Variants in PRDM8 observed in about 807,000 individuals in gnomAD.
PRDM8 encodes PR/SET domain 8, also known as PR domain zinc finger protein 8.
Under a neutral mutation model 46.5 loss-of-function variants are expected in PRDM8, and 13 were observed. That is an observed-to-expected ratio of 0.28 (90% CI 0.18 to 0.44). PRDM8 has a LOEUF of 0.44. PRDM8 is among the 20% of genes least tolerant of loss of function. The pLI is 1.00. For synonymous variants in PRDM8, 473 were observed against 438.4 expected, an observed-to-expected ratio of 1.08 and a Z score of -0.98; for missense variants, 998 against 955.0, an observed-to-expected ratio of 1.04 and a Z score of -0.59.
At position 80,202,065 on chromosome 4, in the gene PRDM8, C is replaced by G. The variant is rs1296057822; in HGVS notation, c.603C>G (p.Asp201Glu). 86 of 1,613,396 alleles carry G rather than the reference C, an allele frequency of 5.3e-5. No individual in the cohort carries two copies. The highest frequency in any genetic ancestry group is 7.0e-5 in the Non-Finnish European group (83 of 1,179,892). ...DEQGGGVGTK[D>E]HGGGGGGGKD... ...AAGGCGGCGGCGTGGGCACCAAGGA[C>G]CACGGGGGCGGCGGCGGCGGTGGCA... Residue 201 changes from aspartate to glutamate, a missense_variant, in exon 4 of 4, where the codon GAC (aspartate) becomes GAG (glutamate). Asp to Glu is a conservative substitution (Grantham distance 45). Transcript: ENST00000415738.
intron 2 of PRDM8, among the ~76,000 whole-genome samples, 179 bp from the exon 3 acceptor site, chr4:80,201,111 T>C (rs75808693): frequency 6.8e-4 from 103 of 152,360 alleles, no homozygotes; most frequent in African/African-American, 2.4e-3. Context: ...TCTTGCCTAA[T>C]GGTTACAAAC....
intron 1 of PRDM8, among the ~76,000 whole-genome samples, chr4:80,190,901 C>T (rs1737493298): frequency 6.6e-6 from 1 of 152,178 alleles, no homozygotes; most frequent in African/African-American, 2.4e-5. Context: ...CCCCACTTAT[C>T]TGGAACATAG....
chr4:80,197,579 C>A lies in PRDM8; in HGVS notation c.-187C>A, dbSNP rs547883051. 5 of 977,424 alleles carry A rather than the reference C, an allele frequency of 5.1e-6. No homozygotes were observed. In the African/African-American group the frequency reaches 8.8e-5, roughly 17 times the overall value. The allele number at this position is 977,424 out of a possible 1,614,324, so 60.5% of individuals were successfully genotyped here. On this transcript the variant is annotated 5_prime_UTR_variant, in exon 1 of 4. Transcript: ENST00000415738. ...TCCCTCCCTCCCTCCCTCCACCCCC[C>A]CAATCTTTTTCTCCCCATCTCTCCA...
chr4:80,202,509 G>A lies in PRDM8; in HGVS notation c.1047G>A (p.Val349=). The A allele has an allele frequency of 6.5e-7, 1 of 1,539,558 alleles. No homozygotes were observed. Among genetic ancestry groups the A allele is most frequent in the Non-Finnish European group, 8.7e-7 (1 of 1,146,694 alleles). The change falls in exon 4 of 4, where the codon GTG becomes GTA. Residue 349 remains valine (V), a synonymous_variant. Coordinates refer to ENST00000415738, the MANE Select transcript of PRDM8 (RefSeq NM_001099403.2). The part of the protein sequence containing the change: ...RPLPASKEDL[V]CTPQQYRASG... ...TCCCGGCCTCCAAGGAGGATCTGGT[G>A]TGCACACCGCAGCAGTACCGAGCCT...
At chr4:80,199,692 T>C (rs918303465) in intron 1 of PRDM8, among the ~76,000 whole-genome samples, 1 of 136,660 alleles carries the variant, frequency 7.3e-6, no homozygotes, top group African/African-American at 3.1e-5. Flanking sequence ...AAATTATATA[T>C]ATGTATATAT....
upstream of PRDM8, chr4:80,194,191 A>G (rs1427393711): frequency 3.1e-6 from 3 of 981,750 alleles, no homozygotes; most frequent in Admixed American, 6.2e-5. Flanking sequence ...AGTTTCCTAC[A>G]TGTGTATTTT....
At chr4:80,191,055 T>C (rs753923987) in intron 1 of PRDM8, among the ~76,000 whole-genome samples, 1 of 152,208 alleles carries the variant, frequency 6.6e-6, no homozygotes, top group South Asian at 2.1e-4. Flanking sequence ...TTGGGACCAA[T>C]TGCTGTCCTG....
chr4:80,191,718 T>C (rs1040692268), intron 2 of PRDM8: 1 of 152,238 alleles, frequency 6.6e-6, no homozygotes, highest in African/African-American at 2.4e-5. Flanking sequence ...GAAAATCTTC[T>C]GAAAACTAAC....
chr4:80,197,702 G>A lies in PRDM8; in HGVS notation c.-64G>A. 2 of 982,884 alleles carry A rather than the reference G, an allele frequency of 2.0e-6. No individual in the cohort carries two copies. The highest frequency in any genetic ancestry group is 1.2e-6 in the Non-Finnish European group (1 of 827,322). The allele number at this position is 982,884 out of a possible 1,614,324, so 60.9% of individuals were successfully genotyped here. A position where few individuals can be genotyped will look rare whatever the true frequency, so the allele number is the denominator to read the frequency against. On this transcript the variant is annotated 5_prime_UTR_variant, in exon 1 of 4. Coordinates refer to ENST00000415738, the MANE Select transcript of PRDM8 (RefSeq NM_001099403.2). ...ATACAATAGGCAAAAGGAAACACTCGATTGCATCTTCCCGGTTCCAGGTGG... is the reference window on the plus strand; with the variant it reads ...ATACAATAGGCAAAAGGAAACACTCAATTGCATCTTCCCGGTTCCAGGTGG...
rs1033889977 is a variant in PRDM8, at chr4:80,203,100, G to A, written c.1638G>A (p.Ala546=). ...RLYPAAADPL[A]VKLQGAADLN... is the part of the protein sequence containing the mutation. Reference sequence around the variant, plus strand: ...ATCCCGCCGCCGCGGACCCTCTAGCGGTGAAGCTCCAGGGGGCCGCGGACC... The same window carrying A: ...ATCCCGCCGCCGCGGACCCTCTAGCAGTGAAGCTCCAGGGGGCCGCGGACC... The change falls in exon 4 of 4, where the codon GCG becomes GCA. Residue 546 remains alanine, a synonymous_variant. Coordinates refer to ENST00000415738, the MANE Select transcript of PRDM8 (RefSeq NM_001099403.2). 2.5e-6 allele frequency: 4 copies of A among 1,572,504 alleles called. No homozygotes were observed. The highest frequency in any genetic ancestry group is 3.4e-6 in the Non-Finnish European group (4 of 1,168,082).
intron 1 of PRDM8, among the ~76,000 whole-genome samples, chr4:80,186,883 T>A (rs1737137813): frequency 6.6e-6 from 1 of 152,136 alleles, no homozygotes. Context: ...AGCCTAACAG[T>A]GGTGCCCTTT....
intron 2 of PRDM8, chr4:80,191,621 G>A (rs1737551899): frequency 6.6e-6 from 1 of 152,204 alleles, no homozygotes; most frequent in Admixed American, 6.5e-5. Context: ...TTTGTGACAT[G>A]TTGATCTTTG....
rs1199927860 is a variant in PRDM8, at chr4:80,202,896, G to A, written c.1434G>A (p.Thr478=). The change falls in exon 4 of 4, where the codon ACG becomes ACA. Residue 478 remains threonine, a synonymous_variant. Coordinates refer to ENST00000415738, the MANE Select transcript of PRDM8 (RefSeq NM_001099403.2). The part of the protein sequence containing the change: ...SAGSTSGGGG[T]GAGAAGGAGG... ...GCAGCACCAGCGGTGGGGGCGGAAC[G>A]GGCGCCGGGGCCGCAGGCGGCGCGG... The A allele has an allele frequency of 1.5e-6, 2 of 1,322,362 alleles. No individual in the cohort carries two copies. Among genetic ancestry groups the A allele is most frequent in the East Asian group, 3.2e-5 (1 of 31,652 alleles). The allele number at this position is 1,322,362 out of a possible 1,614,324, so 81.9% of individuals were successfully genotyped here. A position where few individuals can be genotyped will look rare whatever the true frequency, so the allele number is the denominator to read the frequency against.
At chr4:80,191,653 T>C (rs1737557204) in intron 2 of PRDM8, 1 of 152,232 alleles carries the variant, frequency 6.6e-6, no homozygotes, top group South Asian at 2.1e-4. Flanking sequence ...GGAGACCACC[T>C]TTCCAAGTAT....
upstream of PRDM8, chr4:80,194,218 A>T: frequency 1.0e-6 from 1 of 982,470 alleles, no homozygotes; most frequent in Non-Finnish European, 1.2e-6. Context: ...GACTCCAAAG[A>T]GCCTTGCTAA....
upstream of PRDM8, among the ~76,000 whole-genome samples, chr4:80,193,790 T>C (rs1002557989): frequency 6.8e-6 from 1 of 146,380 alleles, no homozygotes; most frequent in Non-Finnish European, 1.5e-5. Flanking sequence ...AGTGTGTGGG[T>C]TTTTTCCCCC....
chr4:80,195,678 C>T (rs1737888826), upstream of PRDM8, among the ~76,000 whole-genome samples: 1 of 152,012 alleles, frequency 6.6e-6, no homozygotes, highest in South Asian at 2.1e-4. Context: ...TCATTAGGAG[C>T]CAACCTTAGC....
intron 3 of PRDM8, 71 bp from the exon 4 acceptor site, chr4:80,201,842 AG>A: frequency 1.9e-6 from 3 of 1,596,116 alleles, no homozygotes; most frequent in African/African-American, 2.7e-5. Context: ...GGCGATGCTG[AG>A]TAATCATGTG....
chr4:80,197,665 G>T lies in PRDM8; in HGVS notation c.-101G>T. ...CGGCAACACCAACACCTCTTGACAT[G>T]GAAATACACTGATACAATAGGCAAA... On this transcript the variant is annotated 5_prime_UTR_variant, in exon 1 of 4. An upstream start codon of the reference 5' UTR is lost. Coordinates refer to ENST00000415738, the MANE Select transcript of PRDM8 (RefSeq NM_001099403.2). 1 of 983,802 alleles carries T rather than the reference G, an allele frequency of 1.0e-6. No individual in the cohort carries two copies. Among genetic ancestry groups the T allele is most frequent in the African/African-American group, 1.8e-5 (1 of 57,046 alleles). The allele number at this position is 983,802 out of a possible 1,614,324, so 60.9% of individuals were successfully genotyped here.
Sources: allele counts gnomAD v4.1 joint callset (sites outside exome capture counted in the v4.1 genomes callset), GRCh38; gene constraint gnomAD v4.1.1; transcripts MANE v1.5; gene names NCBI Gene and HGNC (gene_info 2026-07-23, HGNC 2026-07-21).